GPR107: variants seen among roughly 807,000 people sequenced by gnomAD.
GPR107 encodes the protein protein GPR107.
GPR107 carries 31 observed loss-of-function variants against 75.5 expected under a neutral mutation model. The observed-to-expected ratio is 0.41, with a 90% CI of 0.31 to 0.55. The LOEUF (loss-of-function observed/expected upper bound fraction) is 0.55. GPR107 is among the 20% of genes least tolerant of loss of function. The pLI, the probability that GPR107 is intolerant of heterozygous loss-of-function variation, is 0.26. For missense variants in GPR107, 572 were observed against 665.7 expected (o/e 0.86, Z 1.55); for synonymous variants, 267 against 251.3 (o/e 1.06, Z -0.59).
At position 130,087,405 on chromosome 9, in the gene GPR107, C is replaced by T. The variant is rs1589501608; in HGVS notation, c.621+929C>T. 2.6e-5 allele frequency among the ~76,000 whole-genome samples: 4 copies of T among 152,158 alleles called. No individual in the cohort carries two copies. The East Asian group carries it at 5.8e-4, about 22-fold the overall frequency. ...AAAAATGGCAGGGCGTGGTGGCTCA[C>T]GCCTGTTATCCCAGCACTTTGGAAG... is the stretch of plus-strand genomic sequence containing the variant. On this transcript the variant is annotated intron_variant, in intron 7 of 17. Coordinates refer to ENST00000347136, the MANE Select transcript of GPR107 (RefSeq NM_020960.5).
intron 6 of GPR107, among the ~76,000 whole-genome samples, chr9:130,086,012 A>G (rs1433047807): frequency 6.6e-6 from 1 of 152,088 alleles, no homozygotes; most frequent in Admixed American, 6.6e-5. Flanking sequence ...TGGCCTCCCA[A>G]TATGTTGGGA....
intron 5 of GPR107, among the ~76,000 whole-genome samples, chr9:130,080,387 G>A (rs1305261370): frequency 6.6e-6 from 1 of 152,000 alleles, no homozygotes; most frequent in Non-Finnish European, 1.5e-5. Flanking sequence ...GGAATAGTGG[G>A]CACATTATCA....
intron 7 of GPR107, among the ~76,000 whole-genome samples, chr9:130,090,433 A>G (rs1044956775): frequency 2.0e-5 from 3 of 152,344 alleles, no homozygotes; most frequent in Admixed American, 1.3e-4. Context: ...GAGCAAAATA[A>G]TACGTTAGCT....
At position 130,130,485 on chromosome 9, in the gene GPR107, C is replaced by T. The variant is rs556246626; in HGVS notation, c.1562+1724C>T. Among the ~76,000 whole-genome samples, 103 of 152,264 alleles carry T rather than the reference C, an allele frequency of 6.8e-4. No individual in the cohort carries two copies. The Middle Eastern group carries it at 0.024, about 35-fold the overall frequency. ...TGCATTATTTCATGTGGGCGAGGAACGTGTGTGGAAATGGGGATTGGGGAC... is the reference window on the plus strand; with the variant it reads ...TGCATTATTTCATGTGGGCGAGGAATGTGTGTGGAAATGGGGATTGGGGAC... On this transcript the variant is annotated intron_variant, in intron 17 of 17. Coordinates refer to ENST00000347136, the MANE Select transcript of GPR107 (RefSeq NM_020960.5).
chr9:130,066,469 G>A (rs760016043), intron 1 of GPR107, among the ~76,000 whole-genome samples: 1 of 151,994 alleles, frequency 6.6e-6, no homozygotes, highest in Non-Finnish European at 1.5e-5. Context: ...GCTCCATTCT[G>A]GTAAATCTCA....
At chr9:130,069,984 C>CT (rs1045979986) in intron 1 of GPR107, among the ~76,000 whole-genome samples, 1,413 of 45,276 alleles carry the variant, frequency 0.031, 52 homozygotes, top group South Asian at 0.063. Context: ...TGCCTGGCCT[C>CT]TTTTTTTTTT....
chr9:130,135,802 G>T lies in GPR107; in HGVS notation c.*681G>T, dbSNP rs1328538568. On this transcript the variant is annotated 3_prime_UTR_variant, in exon 18 of 18. Transcript: ENST00000347136. The stretch of plus-strand genomic sequence containing the variant: ...AAGAAGGCTGTGATGTCGCTGTCAG[G>T]ATCATGCCCTGTGGCACAGCACAGG... The T allele has an allele frequency of 6.6e-6, 1 of 152,260 alleles. No individual in the cohort carries two copies. Among genetic ancestry groups the T allele is most frequent in the Non-Finnish European group, 1.5e-5 (1 of 68,084 alleles). 9.4% of individuals were successfully genotyped at this position (152,260 alleles called of 1,614,324 possible). A position where few individuals can be genotyped will look rare whatever the true frequency, so the allele number is the denominator to read the frequency against.
In GPR107 at chr9:130,070,006, TTTTTTA is replaced by T. The variant is rs1262786457; in HGVS notation, c.142-5629_142-5624del. 2.8e-3 allele frequency among the ~76,000 whole-genome samples: 71 copies of T among 25,092 alleles called. 3 individuals are homozygous for T. The highest frequency in any genetic ancestry group is 0.016 in the Middle Eastern group (1 of 62). The allele number at this position is 25,092 out of a possible 152,430, so 16.5% of individuals were successfully genotyped here. On this transcript the variant is annotated intron_variant, in intron 1 of 17. Transcript: ENST00000347136. ...CCTCTTTTTTTTTTTTTTTTTTTTT[TTTTTTA>T]AATTTTTTTGAGACAGGGTCTTGCT...
At chr9:130,107,345 T>C (rs1589517706) in intron 13 of GPR107, 151 bp from the exon 14 acceptor site, 1 of 649,704 alleles carries the variant, frequency 1.5e-6, no homozygotes, top group Middle Eastern at 2.4e-4. Flanking sequence ...TTTCCCCCCC[T>C]CTACCCGTTT....
intron 17 of GPR107, among the ~76,000 whole-genome samples, chr9:130,134,431 T>C (rs1831902490): frequency 6.6e-6 from 1 of 152,206 alleles, no homozygotes; most frequent in Admixed American, 6.5e-5. Flanking sequence ...CCCCGGGAGC[T>C]CACAGAGTGG....
At chr9:130,117,985 G>A (rs750769215) in intron 14 of GPR107, among the ~76,000 whole-genome samples, 42 of 152,140 alleles carry the variant, frequency 2.8e-4, no homozygotes, top group Non-Finnish European at 5.3e-4. Context: ...GACCTGTGTC[G>A]TCCTAAAGTC....
intron 14 of GPR107, chr9:130,108,717 C>G (rs1210049429): frequency 2.2e-6 from 1 of 455,822 alleles, no homozygotes; most frequent in African/African-American, 2.0e-5. Flanking sequence ...TGTTTTCTTT[C>G]TAGTCCTGGG....
intron 14 of GPR107, chr9:130,108,965 C>T (rs1278631231): frequency 6.7e-6 from 2 of 299,590 alleles, no homozygotes; most frequent in East Asian, 1.3e-4. Context: ...AAGTACAAAT[C>T]CACCTCTAGG....
chr9:130,063,780 G>C (rs569597602), intron 1 of GPR107, among the ~76,000 whole-genome samples: 41 of 145,172 alleles, frequency 2.8e-4, no homozygotes, highest in African/African-American at 9.1e-4. Flanking sequence ...TACTACTACT[G>C]TATAGATTTT....
chr9:130,100,087 G>C (rs1004804460), intron 10 of GPR107, among the ~76,000 whole-genome samples: 2 of 151,496 alleles, frequency 1.3e-5, no homozygotes, highest in African/African-American at 2.4e-5. Flanking sequence ...AGTAGAGACG[G>C]GGTTTCACCG....
intron 14 of GPR107, among the ~76,000 whole-genome samples, chr9:130,115,258 T>TA (rs956370602): frequency 2.0e-5 from 3 of 152,202 alleles, no homozygotes; most frequent in African/African-American, 7.2e-5. Flanking sequence ...ACCTCTTCTT[T>TA]AGATTAATTT....
chr9:130,122,310 TCA>T (rs1405801846), intron 14 of GPR107, among the ~76,000 whole-genome samples: 3 of 152,188 alleles, frequency 2.0e-5, no homozygotes, highest in Non-Finnish European at 4.4e-5. Flanking sequence ...ACGGTTCCGG[TCA>T]TGTCACTGGT....
At chr9:130,105,951 C>T (rs1831146063) in intron 13 of GPR107, among the ~76,000 whole-genome samples, 1 of 152,152 alleles carries the variant, frequency 6.6e-6, no homozygotes, top group South Asian at 2.1e-4. Flanking sequence ...TGAGCCACCG[C>T]ACCCAGTGGA....
intron 4 of GPR107, 121 bp from the exon 5 acceptor site, chr9:130,079,509 G>A (rs1187377800): frequency 1.4e-6 from 1 of 704,246 alleles, no homozygotes; most frequent in Non-Finnish European, 2.2e-6. Context: ...GTGGATAATA[G>A]AATCTACATT....
Sources: gnomAD v4.1 joint callset for allele counts (sites outside exome capture counted in the v4.1 genomes callset) on GRCh38, gnomAD v4.1.1 for gene constraint, MANE v1.5 for transcripts, NCBI Gene and HGNC (gene_info 2026-07-23, HGNC 2026-07-21) for gene names.